The following RCOR1 variants were observed in gnomAD, a reference collection of about 807,000 sequenced individuals.
RCOR1 encodes the protein REST corepressor.
RCOR1 carries 12 observed loss-of-function variants against 64.0 expected under a neutral mutation model. That is an observed-to-expected ratio of 0.19 (90% CI 0.12 to 0.30). The LOEUF is 0.30. Among genes scored for constraint, RCOR1 ranks in the 10% least tolerant of loss-of-function variants. The probability of loss-of-function intolerance (pLI) is 1.00; values close to 1 mark genes in which losing one functional copy is unlikely to be tolerated. For synonymous variants in RCOR1, 279 were observed against 227.2 expected, an observed-to-expected ratio of 1.23 and a Z score of -2.05; for missense variants, 502 against 621.2, an observed-to-expected ratio of 0.81 and a Z score of 2.04.
intron 2 of RCOR1, among the ~76,000 whole-genome samples, chr14:102,624,119 C>T (rs1188932375): frequency 1.3e-5 from 2 of 152,080 alleles, no homozygotes; most frequent in African/African-American, 4.8e-5. Flanking sequence ...TGACATGAAC[C>T]TGGGAGGCGG....
At chr14:102,698,336 C>G (rs1382234969) in intron 3 of RCOR1, among the ~76,000 whole-genome samples, 1 of 152,180 alleles carries the variant, frequency 6.6e-6, no homozygotes, top group Non-Finnish European at 1.5e-5. Flanking sequence ...AACATATGCC[C>G]AAGAACCACA....
intron 2 of RCOR1, among the ~76,000 whole-genome samples, chr14:102,614,470 C>T (rs940062185): frequency 5.9e-5 from 9 of 151,790 alleles, no homozygotes; most frequent in Admixed American, 1.3e-4. Flanking sequence ...GTGATCCGCC[C>T]GCCTCGGCCT....
At chr14:102,665,266 A>C (rs1352862269) in intron 2 of RCOR1, among the ~76,000 whole-genome samples, 2 of 149,154 alleles carry the variant, frequency 1.3e-5, no homozygotes, top group African/African-American at 2.5e-5. Context: ...CAGCCTCCCA[A>C]AGTACTGGGA....
intron 3 of RCOR1, among the ~76,000 whole-genome samples, chr14:102,699,755 A>AT (rs397853295): frequency 0.039 from 5,623 of 143,960 alleles, 109 homozygotes; most frequent in Middle Eastern, 0.06. Context: ...ATGCTCCTTG[A>AT]TTTTTTTTTT....
intron 2 of RCOR1, among the ~76,000 whole-genome samples, chr14:102,642,328 A>AT (rs1371709241): frequency 6.6e-6 from 1 of 152,198 alleles, no homozygotes; most frequent in African/African-American, 2.4e-5. Context: ...ATTGTAGAAA[A>AT]TAAAATTTTA....
chr14:102,652,418 T>G (rs1894611889), intron 2 of RCOR1, among the ~76,000 whole-genome samples: 1 of 152,210 alleles, frequency 6.6e-6, no homozygotes, highest in Non-Finnish European at 1.5e-5. Context: ...AGCAGTGAAT[T>G]ACAAACACTC....
At chr14:102,709,836 A>C (rs1327080060) in intron 6 of RCOR1, among the ~76,000 whole-genome samples, 1 of 152,236 alleles carries the variant, frequency 6.6e-6, no homozygotes, top group Non-Finnish European at 1.5e-5. Flanking sequence ...AAAATTAAAT[A>C]ATACAGAGTG....
intron 2 of RCOR1, among the ~76,000 whole-genome samples, chr14:102,678,048 C>T (rs1348022913): frequency 8.7e-5 from 13 of 149,336 alleles, no homozygotes; most frequent in African/African-American, 3.0e-4. Flanking sequence ...AAAAAAAAAA[C>T]GAAAACCAGT....
At chr14:102,623,814 T>G (rs1893924219) in intron 2 of RCOR1, among the ~76,000 whole-genome samples, 1 of 150,910 alleles carries the variant, frequency 6.6e-6, no homozygotes, top group Non-Finnish European at 1.5e-5. Flanking sequence ...CCCAGCAGTT[T>G]GGGAGGCCGA....
chr14:102,653,959 C>G (rs867697382), intron 2 of RCOR1, among the ~76,000 whole-genome samples: 2 of 50,040 alleles, frequency 4.0e-5, no homozygotes, highest in South Asian at 5.2e-4. Flanking sequence ...TTCTTTCTTT[C>G]TTTCTTTCTT....
intron 2 of RCOR1, among the ~76,000 whole-genome samples, chr14:102,665,386 T>C (rs11846451): frequency 0.3 from 45,021 of 150,486 alleles, 6,867 homozygotes; most frequent in East Asian, 0.38. Context: ...ATGTAAGTGT[T>C]CTGAGCATGT....
At chr14:102,598,175 C>T (rs536388511) in intron 2 of RCOR1, among the ~76,000 whole-genome samples, 3 of 152,136 alleles carry the variant, frequency 2.0e-5, no homozygotes, top group South Asian at 2.1e-4. Flanking sequence ...AGGCTGGTCT[C>T]GAACTCCTGA....
intron 2 of RCOR1, among the ~76,000 whole-genome samples, chr14:102,598,144 A>G (rs1231311796): frequency 6.6e-6 from 1 of 151,746 alleles, no homozygotes; most frequent in Non-Finnish European, 1.5e-5. Flanking sequence ...TTTGGTAGAG[A>G]TGGGTTTCAC....
intron 2 of RCOR1, among the ~76,000 whole-genome samples, chr14:102,661,086 C>T (rs1242731179): frequency 2.0e-5 from 3 of 152,192 alleles, no homozygotes; most frequent in African/African-American, 7.2e-5. Flanking sequence ...ATGGCTCATG[C>T]TTGTAATCCC....
At chr14:102,636,913 G>A (rs1195087430) in intron 2 of RCOR1, among the ~76,000 whole-genome samples, 1 of 151,962 alleles carries the variant, frequency 6.6e-6, no homozygotes, top group African/African-American at 2.4e-5. Context: ...GGAGGTTGCA[G>A]TGAGCTGAGA....
chr14:102,705,174 T>G (rs1034219243), intron 4 of RCOR1, among the ~76,000 whole-genome samples: 2 of 152,134 alleles, frequency 1.3e-5, no homozygotes, highest in East Asian at 3.9e-4. Flanking sequence ...CACACCAATA[T>G]GGGATAAGCT....
rs781644449 is a variant in RCOR1, at chr14:102,722,350, G to T, written c.1353G>T (p.Gly451=). The T allele has an allele frequency of 6.2e-7, 1 of 1,614,102 alleles. No individual in the cohort carries two copies. The highest frequency in any genetic ancestry group is 8.5e-7 in the Non-Finnish European group (1 of 1,180,016). The part of the protein sequence containing the change: ...EAEHGKEETN[G]PSNQKPVKSP... ...AACATGGTAAAGAAGAGACCAATGGGCCCAGTAACCAGAAGCCTGTGAAGT... is the reference window on the plus strand; with the variant it reads ...AACATGGTAAAGAAGAGACCAATGGTCCCAGTAACCAGAAGCCTGTGAAGT... Residue 451 remains glycine (G), a synonymous_variant, in exon 11 of 12, where the codon GGG becomes GGT. Transcript: ENST00000262241.
At chr14:102,710,663 C>A in intron 6 of RCOR1, 1 of 386,372 alleles carries the variant, frequency 2.6e-6, no homozygotes, top group Non-Finnish European at 4.6e-6. Context: ...AGATATAGAG[C>A]AATAGTGTTT....
chr14:102,615,153 A>T (rs551657396), intron 2 of RCOR1, among the ~76,000 whole-genome samples: 4 of 47,182 alleles, frequency 8.5e-5, no homozygotes, highest in African/African-American at 3.4e-4. Context: ...CCTTTTTTTG[A>T]GACAGAGTCT....
Sources: allele counts gnomAD v4.1 joint callset (sites outside exome capture counted in the v4.1 genomes callset), GRCh38; gene constraint gnomAD v4.1.1; transcripts MANE v1.5; gene names NCBI Gene and HGNC (gene_info 2026-07-23, HGNC 2026-07-21).